AKAP10: variants seen among roughly 807,000 people sequenced by gnomAD.
AKAP10 encodes A-kinase anchor protein 10, mitochondrial.
In AKAP10, 24 loss-of-function variants were observed where a neutral mutation model predicts 80.8. The observed-to-expected ratio is 0.30, with a 90% CI of 0.22 to 0.42. The LOEUF (loss-of-function observed/expected upper bound fraction) is 0.42. Among genes scored for constraint, AKAP10 ranks in the 10% least tolerant of loss-of-function variants. The pLI is 1.00. For synonymous variants in AKAP10, 291 were observed against 277.7 expected, an observed-to-expected ratio of 1.05 and a Z score of -0.48; for missense variants, 661 against 794.9, an observed-to-expected ratio of 0.83 and a Z score of 2.03.
At chr17:19,927,668 C>T (rs554183822) in intron 10 of AKAP10, among the ~76,000 whole-genome samples, 30 of 151,676 alleles carry the variant, frequency 2.0e-4, no homozygotes, top group African/African-American at 6.0e-4. Flanking sequence ...CCCAGCACTT[C>T]GGGAGGCCAA....
intron 1 of AKAP10, among the ~76,000 whole-genome samples, chr17:19,973,786 G>A (rs948590186): frequency 9.9e-5 from 15 of 152,250 alleles, no homozygotes; most frequent in Non-Finnish European, 1.8e-4. Flanking sequence ...CACAGATGGT[G>A]AGACGTGGTA....
At chr17:19,924,724 C>A (rs146658228) in intron 10 of AKAP10, among the ~76,000 whole-genome samples, 5 of 152,260 alleles carry the variant, frequency 3.3e-5, no homozygotes, top group African/African-American at 9.6e-5. Context: ...TTAAAATGTA[C>A]ATGCCGGGCA....
intron 9 of AKAP10, chr17:19,935,861 T>C (rs1488912220): frequency 6.5e-6 from 1 of 152,690 alleles, no homozygotes; most frequent in Non-Finnish European, 1.5e-5. Context: ...TCTTAGTAAG[T>C]AGAAGGAGCA....
rs79803528 is a variant in AKAP10 at position 19,958,286 on chromosome 17, G to C, written c.605C>G (p.Ser202Cys). ...AGAATCCTCCAATCTCTTATCAAGAGAATCAGTTAAAAAAGACGCTGTAGT... is the reference window on the plus strand; with the variant it reads ...AGAATCCTCCAATCTCTTATCAAGACAATCAGTTAAAAAAGACGCTGTAGT... ...HETTASFLTD[S>C]LDKRLEDSGS... The change falls in exon 4 of 15, where the codon TCT (serine) becomes TGT (cysteine). Residue 202 changes from serine to cysteine, a missense_variant. Coordinates refer to ENST00000225737, the MANE Select transcript of AKAP10 (RefSeq NM_007202.4). The C allele has an allele frequency of 2.6e-3, 4,176 of 1,614,184 alleles. 186 individuals are homozygous for C. In the East Asian group the frequency reaches 0.086, roughly 33 times the overall value.
intron 10 of AKAP10, among the ~76,000 whole-genome samples, chr17:19,926,276 T>TAA (rs754551841): frequency 7.5e-6 from 1 of 132,648 alleles, no homozygotes; most frequent in East Asian, 2.1e-4. Flanking sequence ...TTTCATGATT[T>TAA]AAAAAAAAAA....
chr17:19,934,928 G>C (rs2042976269), intron 9 of AKAP10, among the ~76,000 whole-genome samples: 1 of 152,152 alleles, frequency 6.6e-6, no homozygotes, highest in Non-Finnish European at 1.5e-5. Context: ...AGGATAATTG[G>C]TTGAACCTGG....
At chr17:19,944,358 T>C (rs1408461476) in intron 5 of AKAP10, among the ~76,000 whole-genome samples, 4 of 152,286 alleles carry the variant, frequency 2.6e-5, no homozygotes, top group South Asian at 2.1e-4. Context: ...CCTGTTTGTA[T>C]GCTATAACAC....
At chr17:19,906,670 G>A (rs746698966) in intron 14 of AKAP10, among the ~76,000 whole-genome samples, 32 of 152,306 alleles carry the variant, frequency 2.1e-4, no homozygotes, top group Non-Finnish European at 4.0e-4. Flanking sequence ...CAAGGTCCCC[G>A]GTATTGTGGC....
At chr17:19,952,236 G>T (rs1419119697) in intron 4 of AKAP10, among the ~76,000 whole-genome samples, 1 of 151,980 alleles carries the variant, frequency 6.6e-6, no homozygotes, top group Non-Finnish European at 1.5e-5. Context: ...GGCCAAAGCA[G>T]GTGGATCACC....
chr17:19,973,714 G>C (rs1567780474), intron 1 of AKAP10, among the ~76,000 whole-genome samples: 1 of 152,174 alleles, frequency 6.6e-6, no homozygotes, highest in Non-Finnish European at 1.5e-5. Flanking sequence ...CATCTCCTTA[G>C]AGGACATCCT....
Position 19,940,858 on chromosome 17 carries a change from T to A in AKAP10, c.1185+29A>T, listed in dbSNP as rs369221816. On this transcript the variant is annotated intron_variant, in intron 7 of 14. Coordinates refer to ENST00000225737, the MANE Select transcript of AKAP10 (RefSeq NM_007202.4). ...ATAGTTAGAGGCTGGAATGCTCGAA[T>A]AGAGTGTGAAAAGAAATGCAGACTT... The A allele has an allele frequency of 4.9e-5, 77 of 1,575,298 alleles. No individual in the cohort carries two copies. The African/African-American group carries it at 9.7e-4, about 20-fold the overall frequency.
intron 7 of AKAP10, among the ~76,000 whole-genome samples, chr17:19,940,653 T>C (rs943800413): frequency 4.6e-5 from 7 of 152,246 alleles, no homozygotes; most frequent in Admixed American, 1.3e-4. Flanking sequence ...CTCTCTTACA[T>C]GCAGTAGTTT....
At chr17:19,950,349 A>G (rs539148110) in intron 4 of AKAP10, among the ~76,000 whole-genome samples, 1 of 152,306 alleles carries the variant, frequency 6.6e-6, no homozygotes, top group Admixed American at 6.5e-5. Context: ...GATGCCACCA[A>G]AGTTGTGAAA....
At chr17:19,934,363 T>G (rs890985578) in intron 9 of AKAP10, among the ~76,000 whole-genome samples, 1 of 152,132 alleles carries the variant, frequency 6.6e-6, no homozygotes, top group African/African-American at 2.4e-5. Flanking sequence ...TCTTTAATTG[T>G]TCAAGACAGG....
chr17:19,961,208 G>C (rs1163427596), intron 3 of AKAP10, among the ~76,000 whole-genome samples: 2 of 150,356 alleles, frequency 1.3e-5, no homozygotes, highest in African/African-American at 4.9e-5. Context: ...ACAAAAATTA[G>C]CCAGGCGTGG....
chr17:19,941,225 C>A (rs2152414507), intron 6 of AKAP10, among the ~76,000 whole-genome samples: 1 of 152,290 alleles, frequency 6.6e-6, no homozygotes, highest in Non-Finnish European at 1.5e-5. Flanking sequence ...TTAACACATG[C>A]CACTTCATAT....
intron 8 of AKAP10, 80 bp downstream of exon 8, chr17:19,939,633 A>G: frequency 6.7e-7 from 1 of 1,500,928 alleles, no homozygotes. Flanking sequence ...ACAGAGACTG[A>G]GTTTATTCAT....
At position 19,977,710 on chromosome 17, in the gene AKAP10, A is replaced by T; in HGVS notation, c.-31T>A. 8.2e-7 allele frequency: 1 copy of T among 1,213,572 alleles called. No individual in the cohort carries two copies. 75.2% of individuals were successfully genotyped at this position (1,213,572 alleles called of 1,614,324 possible). On this transcript the variant is annotated 5_prime_UTR_variant, in exon 1 of 15. Coordinates refer to ENST00000225737, the MANE Select transcript of AKAP10 (RefSeq NM_007202.4). ...AACCGGCCCGGACTTCCGGGTCCAGAGGGGCCGCTGCACTAGCGCGAAAAG... is the reference window on the plus strand; with the variant it reads ...AACCGGCCCGGACTTCCGGGTCCAGTGGGGCCGCTGCACTAGCGCGAAAAG...
chr17:19,974,699 T>C (rs1393300383), intron 1 of AKAP10, among the ~76,000 whole-genome samples: 1 of 140,400 alleles, frequency 7.1e-6, no homozygotes, highest in Non-Finnish European at 1.5e-5. Flanking sequence ...AAAAAGCACC[T>C]AGAATGATTT....
Sources: gnomAD v4.1 joint callset for allele counts (sites outside exome capture counted in the v4.1 genomes callset) on GRCh38, gnomAD v4.1.1 for gene constraint, MANE v1.5 for transcripts, NCBI Gene and HGNC (gene_info 2026-07-23, HGNC 2026-07-21) for gene names.